The following TESK2 variants were observed in gnomAD, a reference collection of about 807,000 sequenced individuals.
TESK2 encodes dual specificity testis-specific protein kinase 2.
A neutral mutation model predicts 57.1 loss-of-function variants in TESK2; 39 were observed. The observed-to-expected ratio is 0.68, with a 90% CI of 0.53 to 0.89. The LOEUF is 0.89. TESK2 is among the 40% of genes least tolerant of loss of function. The probability of loss-of-function intolerance (pLI) is 0.00; values close to 1 mark genes in which losing one functional copy is unlikely to be tolerated. For synonymous variants in TESK2, 249 were observed against 267.9 expected, an observed-to-expected ratio of 0.93 and a Z score of 0.69; for missense variants, 646 against 732.1, an observed-to-expected ratio of 0.88 and a Z score of 1.36.
At chr1:45,373,028 C>CAAAAAAAAAAAA (rs200182758) in intron 4 of TESK2, among the ~76,000 whole-genome samples, 8 of 60,944 alleles carry the variant, frequency 1.3e-4, no homozygotes, top group South Asian at 5.5e-4. Context: ...ATCTCCGTCT[C>CAAAAAAAAAAAA]AAAAAAAAAA....
At chr1:45,362,976 C>A (rs1185033604) in intron 4 of TESK2, among the ~76,000 whole-genome samples, 1 of 151,836 alleles carries the variant, frequency 6.6e-6, no homozygotes, top group Non-Finnish European at 1.5e-5. Context: ...ATGAAAAGGT[C>A]AGGAACTGAG....
intron 2 of TESK2, among the ~76,000 whole-genome samples, chr1:45,439,181 C>G (rs895786261): frequency 1.3e-5 from 2 of 152,106 alleles, no homozygotes; most frequent in African/African-American, 4.8e-5. Flanking sequence ...TTCCTTAAAC[C>G]ACAACTGTTA....
intron 2 of TESK2, among the ~76,000 whole-genome samples, chr1:45,456,894 A>G (rs1652132313): frequency 6.6e-6 from 1 of 152,150 alleles, no homozygotes; most frequent in South Asian, 2.1e-4. Context: ...ATTACTGACA[A>G]TGAGGACTAG....
intron 9 of TESK2, among the ~76,000 whole-genome samples, 176 bp downstream of exon 9, chr1:45,346,517 T>A (rs1320554924): frequency 6.6e-6 from 1 of 152,168 alleles, no homozygotes; most frequent in African/African-American, 2.4e-5. Context: ...CTTTCCTTTG[T>A]CCAGAGCTCT....
intron 1 of TESK2, among the ~76,000 whole-genome samples, chr1:45,463,183 T>C (rs568047441): frequency 2.1e-4 from 32 of 152,344 alleles, no homozygotes; most frequent in African/African-American, 7.2e-4. Context: ...TTCTGTGAGT[T>C]GTCTCTTCAC....
At chr1:45,446,080 T>C (rs1651636559) in intron 2 of TESK2, among the ~76,000 whole-genome samples, 1 of 152,064 alleles carries the variant, frequency 6.6e-6, no homozygotes, top group South Asian at 2.1e-4. Context: ...GGCACAGAAT[T>C]TCACAGTGGA....
At chr1:45,386,331 G>A (rs1648892448) in intron 3 of TESK2, among the ~76,000 whole-genome samples, 1 of 121,716 alleles carries the variant, frequency 8.2e-6, no homozygotes, top group African/African-American at 3.2e-5. Context: ...GGGGACAAGA[G>A]CGAGACTTTG....
intron 4 of TESK2, among the ~76,000 whole-genome samples, chr1:45,372,946 C>T (rs111599204): frequency 0.01 from 1,545 of 147,538 alleles, 27 homozygotes; most frequent in African/African-American, 0.037. Context: ...GAGAATTGCT[C>T]GAACCTGGGA....
intron 2 of TESK2, among the ~76,000 whole-genome samples, chr1:45,422,780 T>TTGTTGTTGTTGTTGTTGTTGTTGTTG (rs1234266587): frequency 0.088 from 892 of 10,178 alleles, 25 homozygotes; most frequent in East Asian, 0.26. Context: ...TGTTGTTGTT[T>TTGTTGTTGTTGTTGTTGTTGTTGTTG]TTGTTTTGAG....
chr1:45,485,092 G>T (rs970589407), intron 1 of TESK2, among the ~76,000 whole-genome samples: 2 of 151,718 alleles, frequency 1.3e-5, no homozygotes, highest in East Asian at 1.9e-4. Context: ...AAGTCTAAAA[G>T]AATATAAAGA....
At position 45,359,265 on chromosome 1, in the gene TESK2, A is replaced by G. The variant is rs115622277; in HGVS notation, c.394-3816T>C. The stretch of plus-strand genomic sequence containing the variant: ...AGTGTTGTTATGAGAATCTAATAAA[A>G]TATGTGAAAGTTGGCCAGGCGCCGT... On this transcript the variant is annotated intron_variant, in intron 4 of 10. Coordinates refer to ENST00000372086, the MANE Select transcript of TESK2 (RefSeq NM_007170.3). Among the ~76,000 whole-genome samples the G allele has an allele frequency of 5.5e-3, 841 of 152,342 alleles. 6 individuals carry two copies. The highest frequency in any genetic ancestry group is 8.6e-3 in the Non-Finnish European group (586 of 68,030).
At chr1:45,363,534 T>C (rs1366876407) in intron 4 of TESK2, among the ~76,000 whole-genome samples, 2 of 152,178 alleles carry the variant, frequency 1.3e-5, no homozygotes, top group African/African-American at 2.4e-5. Flanking sequence ...ACCTGCACAT[T>C]TGTACACATT....
At chr1:45,368,794 G>C (rs1176491144) in intron 4 of TESK2, among the ~76,000 whole-genome samples, 5 of 151,916 alleles carry the variant, frequency 3.3e-5, no homozygotes, top group African/African-American at 1.2e-4. Flanking sequence ...TGTTGCCCAG[G>C]CTGGAGTGCA....
chr1:45,427,782 G>T (rs1427628983), intron 2 of TESK2, among the ~76,000 whole-genome samples: 1 of 152,126 alleles, frequency 6.6e-6, no homozygotes, highest in Non-Finnish European at 1.5e-5. Context: ...GTGGGGTGTG[G>T]GGGAGTGGGG....
rs75841916 is a variant in TESK2, at chr1:45,376,960, C to T, written c.393+8952G>A. Reference sequence around the variant, plus strand: ...ACAGGTCAGGTGTGATAGCTCACACCTGTAATCCCAGCACTCTGGGAGGCC... The same window carrying T: ...ACAGGTCAGGTGTGATAGCTCACACTTGTAATCCCAGCACTCTGGGAGGCC... On this transcript the variant is annotated intron_variant, in intron 4 of 10. Coordinates refer to ENST00000372086, the MANE Select transcript of TESK2 (RefSeq NM_007170.3). Among the ~76,000 whole-genome samples, 87 of 152,238 alleles carry T rather than the reference C, an allele frequency of 5.7e-4. No homozygotes were observed. In the East Asian group the frequency reaches 0.013, roughly 24 times the overall value.
intron 2 of TESK2, among the ~76,000 whole-genome samples, chr1:45,454,430 T>C (rs907552457): frequency 1.3e-5 from 2 of 151,778 alleles, no homozygotes; most frequent in African/African-American, 4.8e-5. Flanking sequence ...TTTTTATTTT[T>C]TTATTATTTT....
intron 3 of TESK2, among the ~76,000 whole-genome samples, chr1:45,410,088 G>A (rs1027915555): frequency 4.0e-5 from 6 of 151,316 alleles, no homozygotes; most frequent in Non-Finnish European, 7.4e-5. Context: ...CCTGGGAGGC[G>A]GAGGTTGCAG....
rs185329354 is a variant in TESK2 at position 45,483,321 on chromosome 1, C to G, written c.-87+7531G>C. On this transcript the variant is annotated intron_variant, in intron 1 of 10. Transcript: ENST00000372086. ...ACAACAACAAAAAAGAGGAGCCGGGCGTGGTGGCTCACACCTGTAATCCCA... is the reference window on the plus strand; with the variant it reads ...ACAACAACAAAAAAGAGGAGCCGGGGGTGGTGGCTCACACCTGTAATCCCA... Among the ~76,000 whole-genome samples, 604 of 151,474 alleles carry G rather than the reference C, an allele frequency of 4.0e-3. 4 individuals carry two copies. Among genetic ancestry groups the G allele is most frequent in the African/African-American group, 0.014 (585 of 41,294 alleles).
At chr1:45,406,372 G>A (rs571606914) in intron 3 of TESK2, among the ~76,000 whole-genome samples, 2 of 152,190 alleles carry the variant, frequency 1.3e-5, no homozygotes, top group African/African-American at 4.8e-5. Flanking sequence ...TCTCCAGGGT[G>A]TGGTGGCTCA....
Sources: allele counts gnomAD v4.1 joint callset (sites outside exome capture counted in the v4.1 genomes callset), GRCh38; gene constraint gnomAD v4.1.1; transcripts MANE v1.5; gene names NCBI Gene and HGNC (gene_info 2026-07-23, HGNC 2026-07-21).